The following TNRC6B variants were observed in gnomAD, a reference collection of about 807,000 sequenced individuals.
The protein encoded by TNRC6B is trinucleotide repeat containing adaptor 6B.
TNRC6B carries 52 observed loss-of-function variants against 203.6 expected under a neutral mutation model. The ratio of observed to expected loss-of-function variants is 0.26; its 90% confidence interval spans 0.20 to 0.32. The LOEUF is 0.32. Ranked by LOEUF, TNRC6B falls within the 10% of genes least tolerant of loss-of-function variation. TNRC6B has a pLI of 1.00. For synonymous variants in TNRC6B, 838 were observed against 845.7 expected (o/e 0.99, Z 0.16); for missense variants, 1,923 against 2,286.2 (o/e 0.84, Z 3.24).
chr22:40,154,860 A>AAAATAT (rs1555885936), intron 3 of TNRC6B, among the ~76,000 whole-genome samples: 61 of 23,568 alleles, frequency 2.6e-3, no homozygotes, highest in Non-Finnish European at 3.0e-3. Context: ...AAAAAAAAAA[A>AAAATAT]ATATATATAT....
chr22:40,298,346 C>T (rs947933358), intron 12 of TNRC6B, among the ~76,000 whole-genome samples: 1 of 152,076 alleles, frequency 6.6e-6, no homozygotes, highest in African/African-American at 2.4e-5. Flanking sequence ...TGCTTAGGGT[C>T]TACTTGGTGT....
chr22:40,303,941 T>C (rs1198438047), intron 15 of TNRC6B, among the ~76,000 whole-genome samples: 2 of 152,226 alleles, frequency 1.3e-5, no homozygotes, highest in Admixed American at 6.5e-5. Context: ...GTTAGCATTA[T>C]TATATTTGTT....
At chr22:40,213,495 G>GGAAGCCACTGAGGGATTTTAA (rs2069592077) in intron 1 of TNRC6B, among the ~76,000 whole-genome samples, 1 of 152,180 alleles carries the variant, frequency 6.6e-6, no homozygotes, top group Non-Finnish European at 1.5e-5. Flanking sequence ...TCCAGTCACG[G>GGAAGCCACTGAGGGATTTTAA]GAAGCCACTG....
chr22:40,186,939 A>C (rs2069211976), intron 1 of TNRC6B, among the ~76,000 whole-genome samples: 1 of 152,036 alleles, frequency 6.6e-6, no homozygotes, highest in Non-Finnish European at 1.5e-5. Flanking sequence ...CAAACATAAA[A>C]TTTTCATTGG....
intron 3 of TNRC6B, among the ~76,000 whole-genome samples, chr22:40,260,442 T>G (rs1440199464): frequency 6.6e-6 from 1 of 152,170 alleles, no homozygotes; most frequent in Non-Finnish European, 1.5e-5. Context: ...GAGAAGGACT[T>G]GTAAATGGAG....
chr22:40,291,643 G>A (rs2070870648), intron 12 of TNRC6B, among the ~76,000 whole-genome samples: 1 of 152,128 alleles, frequency 6.6e-6, no homozygotes, highest in African/African-American at 2.4e-5. Flanking sequence ...TCATCAGGTA[G>A]ATTTACCTTG....
At chr22:40,055,767 A>C (rs759866095) in intron 1 of TNRC6B, among the ~76,000 whole-genome samples, 9 of 152,164 alleles carry the variant, frequency 5.9e-5, no homozygotes, top group Non-Finnish European at 1.2e-4. Flanking sequence ...AAAGGAAGTG[A>C]CTTCTAGATC....
intron 1 of TNRC6B, among the ~76,000 whole-genome samples, chr22:40,234,957 A>T (rs1456097269): frequency 6.6e-6 from 1 of 152,230 alleles, no homozygotes; most frequent in Non-Finnish European, 1.5e-5. Flanking sequence ...ATGTTCCAAC[A>T]TGCTTTTTGT....
At chr22:40,151,165 G>A (rs1407546110) in intron 3 of TNRC6B, among the ~76,000 whole-genome samples, 25 of 152,204 alleles carry the variant, frequency 1.6e-4, no homozygotes, top group Admixed American at 1.6e-3. Flanking sequence ...CAGCTACTCA[G>A]GAGGCTGAGG....
intron 3 of TNRC6B, among the ~76,000 whole-genome samples, chr22:40,144,699 A>T (rs2146341309): frequency 6.6e-6 from 1 of 151,298 alleles, no homozygotes; most frequent in East Asian, 1.9e-4. Flanking sequence ...AAAAAAATGA[A>T]CTCTTGATCA....
intron 1 of TNRC6B, among the ~76,000 whole-genome samples, chr22:40,245,505 C>T (rs1355919206): frequency 6.6e-6 from 1 of 151,678 alleles, no homozygotes; most frequent in African/African-American, 2.4e-5. Flanking sequence ...AGTATTAATA[C>T]ATATAGAGAA....
intron 3 of TNRC6B, among the ~76,000 whole-genome samples, chr22:40,145,771 G>A (rs113197291): frequency 0.047 from 7,176 of 152,206 alleles, 257 homozygotes; most frequent in Middle Eastern, 0.085. Context: ...GAACCCAGGA[G>A]GCAGAGGTTG....
At chr22:40,225,547 G>A (rs1022149326) in intron 1 of TNRC6B, among the ~76,000 whole-genome samples, 1 of 152,022 alleles carries the variant, frequency 6.6e-6, no homozygotes. Context: ...TAGCCAACAT[G>A]GTGAAAACCC....
At chr22:40,164,973 G>A (rs1266516832) in intron 4 of TNRC6B, among the ~76,000 whole-genome samples, 1 of 150,942 alleles carries the variant, frequency 6.6e-6, no homozygotes, top group Non-Finnish European at 1.5e-5. Context: ...GTAGAGACAC[G>A]GTTTCAGCAT....
At chr22:40,314,919 C>T (rs2071236819) in intron 19 of TNRC6B, among the ~76,000 whole-genome samples, 1 of 152,180 alleles carries the variant, frequency 6.6e-6, no homozygotes, top group East Asian at 1.9e-4. Flanking sequence ...ATACTTTATT[C>T]TGCTAATGTT....
upstream of TNRC6B, among the ~76,000 whole-genome samples, chr22:40,173,514 G>A (rs2069023925): frequency 6.7e-6 from 1 of 150,336 alleles, no homozygotes; most frequent in South Asian, 2.1e-4. Context: ...GGAGTACAGT[G>A]GCGTGATCTC....
chr22:40,331,579 A>G lies in TNRC6B; in HGVS notation c.*8338A>G, dbSNP rs953922746. 5.6e-6 allele frequency: 2 copies of G among 355,862 alleles called. No individual in the cohort carries two copies. Among genetic ancestry groups the G allele is most frequent in the East Asian group, 3.9e-5 (1 of 25,382 alleles). 22.0% of individuals were successfully genotyped at this position (355,862 alleles called of 1,614,324 possible). A position where few individuals can be genotyped will look rare whatever the true frequency, so the allele number is the denominator to read the frequency against. On this transcript the variant is annotated 3_prime_UTR_variant, in exon 23 of 23. Coordinates refer to ENST00000454349, the MANE Select transcript of TNRC6B (RefSeq NM_001162501.2). ...TGCGCTTTGCTCTCATTCCTCTCTC[A>G]TGGCCTTGAAATGTATTATTATGCA...
intron 1 of TNRC6B, among the ~76,000 whole-genome samples, chr22:40,115,213 T>C (rs1388648564): frequency 6.6e-6 from 1 of 152,022 alleles, no homozygotes; most frequent in African/African-American, 2.4e-5. Context: ...TGAACAACTT[T>C]ACAGGGTTGG....
intron 6 of TNRC6B, 95 bp from the exon 7 acceptor site, chr22:40,273,330 C>A (rs1424570834): frequency 8.3e-7 from 1 of 1,201,744 alleles, no homozygotes. Flanking sequence ...GATAAAATTA[C>A]AAAGACACGT....
Sources: gnomAD v4.1 joint callset for allele counts (sites outside exome capture counted in the v4.1 genomes callset) on GRCh38, gnomAD v4.1.1 for gene constraint, MANE v1.5 for transcripts, NCBI Gene and HGNC (gene_info 2026-07-23, HGNC 2026-07-21) for gene names.